Variants in GNAL observed in about 807,000 individuals in gnomAD.
GNAL encodes guanine nucleotide-binding protein G(olf) subunit alpha.
A neutral mutation model predicts 55.1 loss-of-function variants in GNAL; 18 were observed. That is an observed-to-expected ratio of 0.33 (90% CI 0.23 to 0.48). GNAL has a LOEUF of 0.48. Among genes scored for constraint, GNAL ranks in the 20% least tolerant of loss-of-function variants. GNAL has a pLI of 0.99. For synonymous variants in GNAL, 253 were observed against 237.0 expected (o/e 1.07, Z -0.62); for missense variants, 412 against 614.1 (o/e 0.67, Z 3.48).
intron 4 of GNAL, among the ~76,000 whole-genome samples, chr18:11,765,521 C>T (rs2033376986): frequency 6.6e-6 from 1 of 152,180 alleles, no homozygotes; most frequent in South Asian, 2.1e-4. Context: ...TCCTTCTGTG[C>T]ATCTGTACTT....
intron 1 of GNAL, among the ~76,000 whole-genome samples, chr18:11,723,475 A>G (rs1357711055): frequency 2.6e-5 from 4 of 152,258 alleles, no homozygotes; most frequent in African/African-American, 9.6e-5. Flanking sequence ...CCCCAAGCAT[A>G]TGAACAAGAT....
chr18:11,828,490 T>TA (rs1349204553), intron 5 of GNAL, among the ~76,000 whole-genome samples: 22 of 152,312 alleles, frequency 1.4e-4, no homozygotes, highest in African/African-American at 5.1e-4. Context: ...GCAACTGGAA[T>TA]TTCTAAAGCA....
intron 1 of GNAL, among the ~76,000 whole-genome samples, chr18:11,692,099 A>G (rs1004934595): frequency 6.6e-6 from 1 of 152,162 alleles, no homozygotes; most frequent in African/African-American, 2.4e-5. Flanking sequence ...TTTGATCGCA[A>G]TTTTGTGAGG....
In GNAL at chr18:11,752,408, C is replaced by A. The variant is rs756261776; in HGVS notation, c.377-445C>A. 5.0e-6 allele frequency: 8 copies of A among 1,595,846 alleles called. No individual in the cohort carries two copies. The East Asian group carries it at 1.2e-4, about 23-fold the overall frequency. On this transcript the variant is annotated intron_variant, in intron 1 of 11. Transcript: ENST00000334049. This position sits in a 1 kb window ranked among gnomAD's most constrained non-coding sequence, Gnocchi z 4.5. ...TGCTTTTTGCGCACATTCCTAACTT[C>A]CTGACGTCCATCCCAGCGGGCAGGC...
At chr18:11,712,039 G>A (rs1401439940) in intron 1 of GNAL, among the ~76,000 whole-genome samples, 1 of 152,202 alleles carries the variant, frequency 6.6e-6, no homozygotes, top group Non-Finnish European at 1.5e-5. Flanking sequence ...ATAGGCCAGG[G>A]TGCCCCACTC....
chr18:11,786,953 G>A (rs1449505151), intron 4 of GNAL, among the ~76,000 whole-genome samples: 1 of 151,976 alleles, frequency 6.6e-6, no homozygotes, highest in East Asian at 1.9e-4. Flanking sequence ...CTATTGGAAA[G>A]GTTTTTAAAA....
chr18:11,715,779 G>A (rs1166103970), intron 1 of GNAL, among the ~76,000 whole-genome samples: 2 of 152,080 alleles, frequency 1.3e-5, no homozygotes, highest in South Asian at 2.1e-4. Flanking sequence ...AATAATCCAA[G>A]CAGCCAGTAG....
chr18:11,733,179 T>G (rs576689953), intron 1 of GNAL, among the ~76,000 whole-genome samples: 2 of 152,348 alleles, frequency 1.3e-5, no homozygotes, highest in East Asian at 3.9e-4. Context: ...GAAAGGCTCC[T>G]GCAATGCACC....
At chr18:11,826,177 G>C (rs1047692742) in intron 5 of GNAL, among the ~76,000 whole-genome samples, 5 of 152,098 alleles carry the variant, frequency 3.3e-5, no homozygotes, top group African/African-American at 1.2e-4. Context: ...CCATGGGATG[G>C]GCCTGAAGCA....
intron 1 of GNAL, among the ~76,000 whole-genome samples, chr18:11,699,940 G>A (rs1201474780): frequency 1.3e-5 from 2 of 152,144 alleles, no homozygotes; most frequent in Admixed American, 1.3e-4. Context: ...TGTGCCTGTC[G>A]GGGCAGGGAG....
At chr18:11,699,649 G>A (rs1044215828) in intron 1 of GNAL, among the ~76,000 whole-genome samples, 1 of 152,060 alleles carries the variant, frequency 6.6e-6, no homozygotes, top group Non-Finnish European at 1.5e-5. Context: ...TCTTAAGTGT[G>A]TTTCGGGGTC....
At chr18:11,823,655 CCTT>C (rs1224354081) in intron 4 of GNAL, among the ~76,000 whole-genome samples, 6 of 152,154 alleles carry the variant, frequency 3.9e-5, no homozygotes, top group South Asian at 2.1e-4. Flanking sequence ...AAGTGCCAGT[CCTT>C]CTTTTTTTCT....
In GNAL at chr18:11,815,834, C is replaced by T. The variant is rs564538878; in HGVS notation, c.625-9084C>T. On this transcript the variant is annotated intron_variant, in intron 4 of 11. Transcript: ENST00000334049. ...CTCTTACTTTTATTTTTAAAAAACT[C>T]AATAATAAGAAAACAATTGTTGAGC... 3.9e-5 allele frequency among the ~76,000 whole-genome samples: 6 copies of T among 152,088 alleles called. No homozygotes were observed. The South Asian group carries it at 1.2e-3, about 32-fold the overall frequency.
rs979711503 is a variant in GNAL at position 11,853,623 on chromosome 18, G to GA, written c.723-8763dup. 6.0e-4 allele frequency: 100 copies of GA among 165,498 alleles called. 1 individual carries two copies. Among genetic ancestry groups the GA allele is most frequent in the Non-Finnish European group, 9.3e-4 (63 of 67,660 alleles). The allele number at this position is 165,498 out of a possible 1,614,324, so 10.3% of individuals were successfully genotyped here. A position where few individuals can be genotyped will look rare whatever the true frequency, so the allele number is the denominator to read the frequency against. ...ATGTTTCCCAGTGTAAATGAGTAAG[G>GA]AAAAAAAAAGTGTAACAGGTGCGTG... is the stretch of plus-strand genomic sequence containing the variant. On this transcript the variant is annotated intron_variant, in intron 5 of 11. Transcript: ENST00000334049.
At chr18:11,851,423 G>T (rs2035860868) in intron 5 of GNAL, 1 of 1,414,126 alleles carries the variant, frequency 7.1e-7, no homozygotes, top group South Asian at 1.5e-5. Flanking sequence ...CAAAACAAAG[G>T]AGCGGCGGCC....
intron 7 of GNAL, among the ~76,000 whole-genome samples, chr18:11,865,279 G>A (rs1328221417): frequency 4.7e-5 from 7 of 149,440 alleles, no homozygotes; most frequent in Admixed American, 4.6e-4. Context: ...CAAGCCCTCT[G>A]CCTATGACCA....
chr18:11,733,223 G>C (rs2032381698), intron 1 of GNAL, among the ~76,000 whole-genome samples: 1 of 152,046 alleles, frequency 6.6e-6, no homozygotes, highest in Non-Finnish European at 1.5e-5. Context: ...CCGTCGACTG[G>C]GGACTTGGAG....
At chr18:11,697,558 A>G (rs571715406) in intron 1 of GNAL, among the ~76,000 whole-genome samples, 1 of 151,844 alleles carries the variant, frequency 6.6e-6, no homozygotes, top group East Asian at 1.9e-4. Context: ...ACTCAGTCTC[A>G]GAAAAAAAAA....
intron 1 of GNAL, among the ~76,000 whole-genome samples, chr18:11,732,672 A>C (rs1316080434): frequency 6.6e-6 from 1 of 152,270 alleles, no homozygotes; most frequent in Non-Finnish European, 1.5e-5. Context: ...CAGTGCTAAC[A>C]AGTTTTAACT....
Sources: allele counts gnomAD v4.1 joint callset (sites outside exome capture counted in the v4.1 genomes callset), GRCh38; gene constraint gnomAD v4.1.1; non-coding constraint Gnocchi (gnomAD v3.1); transcripts MANE v1.5; gene names NCBI Gene and HGNC (gene_info 2026-07-23, HGNC 2026-07-21).